The following FBLN1 variants were observed in gnomAD, a reference collection of about 807,000 sequenced individuals.
The protein encoded by FBLN1 is fibulin 1, also known as fibulin-1.
Under a neutral mutation model 89.7 loss-of-function variants are expected in FBLN1, and 34 were observed. The observed-to-expected ratio is 0.38, with a 90% CI of 0.29 to 0.50. The LOEUF is 0.50. Ranked by LOEUF, FBLN1 falls within the 20% of genes least tolerant of loss-of-function variation. The pLI is 0.92. For synonymous variants in FBLN1, 393 were observed against 391.3 expected (o/e 1.00, Z -0.05); for missense variants, 777 against 988.1 (o/e 0.79, Z 2.86).
rs556478992 is a variant in FBLN1 at position 45,590,471 on chromosome 22, G to A, written c.1973-9836G>A. On this transcript the variant is annotated intron_variant, in intron 16 of 16. Transcript: ENST00000327858. This position sits in a 1 kb window ranked among gnomAD's most constrained non-coding sequence, Gnocchi z 4.1. ...GGGGCCGTGGGCCTCAGCAAGATGC[G>A]TCTCACCTGCTGTGAGCCCGGGTGG... is the stretch of plus-strand genomic sequence containing the variant. 6.6e-5 allele frequency among the ~76,000 whole-genome samples: 10 copies of A among 152,310 alleles called. No homozygotes were observed. Among genetic ancestry groups the A allele is most frequent in the Admixed American group, 1.3e-4 (2 of 15,296 alleles).
chr22:45,550,393 CT>C lies in FBLN1; in HGVS notation c.1574-98del, dbSNP rs1027226525. The C allele has an allele frequency of 1.6e-5, 26 of 1,578,298 alleles. No individual in the cohort carries two copies. The highest frequency in any genetic ancestry group is 2.2e-5 in the Non-Finnish European group (25 of 1,152,898). On this transcript the variant is annotated intron_variant, in intron 13 of 16. Transcript: ENST00000327858. This position sits in a 1 kb window ranked among gnomAD's most constrained non-coding sequence, Gnocchi z 8.4. ...GGCAGGGATGGCCTGATCGCCACCC[CT>C]AACCCTAGTTGATGGGAGGCCTGGG... is the stretch of plus-strand genomic sequence containing the variant.
At chr22:45,555,762 T>C (rs2088780639) in intron 14 of FBLN1, among the ~76,000 whole-genome samples, 1 of 152,150 alleles carries the variant, frequency 6.6e-6, no homozygotes, top group African/African-American at 2.4e-5. Flanking sequence ...AGATCATACA[T>C]AATCTTCAAA....
At position 45,600,338 on chromosome 22, in the gene FBLN1, C is replaced by A. The variant is rs1310368415; in HGVS notation, c.2004C>A (p.Gly668=). The A allele has an allele frequency of 6.2e-7, 1 of 1,614,190 alleles. No individual in the cohort carries two copies. ...TGCGCCAGGTGCGGCCCATCGTGGG[C>A]CCATTTCATGCCGTCCTGAAGCTGG... ...GVVRQVRPIV[G]PFHAVLKLEM... Residue 668 remains glycine, a synonymous_variant, in exon 17 of 17, where the codon GGC becomes GGA. Coordinates refer to ENST00000327858, the MANE Select transcript of FBLN1 (RefSeq NM_006486.3).
At chr22:45,523,956 G>A (rs1386281070) in intron 2 of FBLN1, among the ~76,000 whole-genome samples, 1 of 152,174 alleles carries the variant, frequency 6.6e-6, no homozygotes, top group Non-Finnish European at 1.5e-5. Flanking sequence ...TGATTTTCTG[G>A]CTAGCCAATA....
At chr22:45,568,997 C>T (rs1231245048) in intron 14 of FBLN1, among the ~76,000 whole-genome samples, 1 of 152,226 alleles carries the variant, frequency 6.6e-6, no homozygotes, top group African/African-American at 2.4e-5. Flanking sequence ...ACATAGCCCT[C>T]TTCTTATAAG....
At chr22:45,533,443 A>T (rs1487163802) in intron 6 of FBLN1, among the ~76,000 whole-genome samples, 1 of 152,214 alleles carries the variant, frequency 6.6e-6, no homozygotes, top group Non-Finnish European at 1.5e-5. Flanking sequence ...GGCCTTGGGC[A>T]CATCCTTCAG....
rs1251242688 is a variant in FBLN1, at chr22:45,561,900, G to T, written c.1697+11285G>T. ...CAGCACAGGAGAAAGATGTAGGCTG[G>T]GAGGCTAGGCCAGTCTCTCCTATCA... is the stretch of plus-strand genomic sequence containing the variant. On this transcript the variant is annotated intron_variant, in intron 14 of 16. Coordinates refer to ENST00000327858, the MANE Select transcript of FBLN1 (RefSeq NM_006486.3). The surrounding 1 kb of genome is among the most constrained non-coding windows in gnomAD (Gnocchi z 4.7). 6.6e-6 allele frequency among the ~76,000 whole-genome samples: 1 copy of T among 152,124 alleles called. No homozygotes were observed. The highest frequency in any genetic ancestry group is 1.5e-5 in the Non-Finnish European group (1 of 68,034).
chr22:45,593,156 A>ACACCCCCC (rs2089153636), intron 16 of FBLN1, among the ~76,000 whole-genome samples: 1 of 133,474 alleles, frequency 7.5e-6, no homozygotes. Flanking sequence ...AGGCAGAGAG[A>ACACCCCCC]CCCCCCCCAC....
intron 11 of FBLN1, among the ~76,000 whole-genome samples, chr22:45,544,767 G>A (rs995485100): frequency 1.8e-4 from 28 of 152,326 alleles, no homozygotes; most frequent in Non-Finnish European, 3.8e-4. Flanking sequence ...GTTGGACAGA[G>A]TTGTTCCTGC....
chr22:45,542,458 A>G lies in FBLN1; in HGVS notation c.1195+175A>G, dbSNP rs5765460. ...ACCCCATTCTAGCCCCAGCTCTGCT[A>G]CTGCCCAGCCAGGCGGCCACTGGCA... is the stretch of plus-strand genomic sequence containing the variant. On this transcript the variant is annotated intron_variant, in intron 10 of 16. Transcript: ENST00000327858. Among the ~76,000 whole-genome samples, 58,075 of 152,046 alleles carry G rather than the reference A, an allele frequency of 0.38. 11,474 individuals are homozygous for G. Among genetic ancestry groups the G allele is most frequent in the Middle Eastern group, 0.52 (152 of 294 alleles).
intron 14 of FBLN1, among the ~76,000 whole-genome samples, chr22:45,559,770 A>G (rs1364381370): frequency 1.3e-5 from 2 of 152,158 alleles, no homozygotes; most frequent in African/African-American, 4.8e-5. Context: ...ATGTCTGATC[A>G]TTTCCCTTTC....
chr22:45,506,614 T>C (rs2088024259), intron 1 of FBLN1, among the ~76,000 whole-genome samples: 1 of 152,080 alleles, frequency 6.6e-6, no homozygotes, highest in Admixed American at 6.5e-5. Context: ...GCTGGGAGGA[T>C]GGGGGAAAGG....
chr22:45,517,259 C>G (rs1334961526), intron 1 of FBLN1: 1 of 275,454 alleles, frequency 3.6e-6, no homozygotes, highest in Non-Finnish European at 7.1e-6. Context: ...TCTTAAAGCC[C>G]AGTTTTGTAA....
chr22:45,591,265 C>T (rs758063510), intron 16 of FBLN1, among the ~76,000 whole-genome samples: 10 of 152,130 alleles, frequency 6.6e-5, no homozygotes, highest in Non-Finnish European at 1.5e-4. Flanking sequence ...CCACTGCCTG[C>T]GTTTGCGATG....
chr22:45,600,672 A>AT lies in FBLN1; in HGVS notation c.*232dup, dbSNP rs1920925781. ...AACTGTTTGGTTGAAAACCTTGCTC[A>AT]TTTTTTAATGCGAAGGCTAAGTGTC... On this transcript the variant is annotated 3_prime_UTR_variant, in exon 17 of 17. Transcript: ENST00000327858. 3.4e-6 allele frequency: 2 copies of AT among 595,510 alleles called. No homozygotes were observed. Among genetic ancestry groups the AT allele is most frequent in the South Asian group, 1.9e-5 (1 of 52,926 alleles). The allele number at this position is 595,510 out of a possible 1,614,324, so 36.9% of individuals were successfully genotyped here.
chr22:45,543,670 T>C, intron 11 of FBLN1, 144 bp downstream of exon 11: 1 of 1,186,574 alleles, frequency 8.4e-7, no homozygotes, highest in South Asian at 1.3e-5. Flanking sequence ...TGTAAAATAT[T>C]GTTCATCAGA....
rs757486726 is a variant in FBLN1 at position 45,518,688 on chromosome 22, C to T, written c.86C>T (p.Ala29Val). 76 of 1,603,486 alleles carry T rather than the reference C, an allele frequency of 4.7e-5. No homozygotes were observed. Among genetic ancestry groups the T allele is most frequent in the Middle Eastern group, 3.3e-4 (2 of 6,074 alleles). The change falls in exon 2 of 17, where the codon GCG (alanine) becomes GTG (valine). Residue 29 changes from alanine to valine, a missense_variant. Ala to Val is a moderately conservative substitution (Grantham distance 64). Coordinates refer to ENST00000327858, the MANE Select transcript of FBLN1 (RefSeq NM_006486.3). ...GLALLAAGVD[A>V]DVLLEACCAD... Reference sequence around the variant, plus strand: ...TGTTCTCTTCCCTGCACAGTGGACGCGGATGTCCTCCTGGAGGCCTGCTGT... The same window carrying T: ...TGTTCTCTTCCCTGCACAGTGGACGTGGATGTCCTCCTGGAGGCCTGCTGT...
intron 14 of FBLN1, among the ~76,000 whole-genome samples, chr22:45,551,913 C>A (rs1302063950): frequency 6.6e-6 from 1 of 152,220 alleles, no homozygotes; most frequent in Non-Finnish European, 1.5e-5. Flanking sequence ...TGCGCACAGT[C>A]GTGAAACCAC....
Position 45,601,118 on chromosome 22 carries a change from A to G in FBLN1, c.*672A>G, listed in dbSNP as rs980663852. The G allele has an allele frequency of 6.4e-6, 1 of 155,960 alleles. No homozygotes were observed. The highest frequency in any genetic ancestry group is 2.0e-4 in the South Asian group (1 of 5,094). The allele number at this position is 155,960 out of a possible 1,614,324, so 9.7% of individuals were successfully genotyped here. On this transcript the variant is annotated 3_prime_UTR_variant, in exon 17 of 17. Coordinates refer to ENST00000327858, the MANE Select transcript of FBLN1 (RefSeq NM_006486.3). Reference sequence around the variant, plus strand: ...TTTCTTATAGGTGGGAAAATAAACAACTTTGTGATCCTCCTGATGGCCTGT... The same window carrying G: ...TTTCTTATAGGTGGGAAAATAAACAGCTTTGTGATCCTCCTGATGGCCTGT...
Sources: allele counts gnomAD v4.1 joint callset (sites outside exome capture counted in the v4.1 genomes callset), GRCh38; gene constraint gnomAD v4.1.1; non-coding constraint Gnocchi (gnomAD v3.1); transcripts MANE v1.5; gene names NCBI Gene and HGNC (gene_info 2026-07-23, HGNC 2026-07-21).